RNF216: variants seen among roughly 807,000 people sequenced by gnomAD.
The protein encoded by RNF216 is E3 ubiquitin-protein ligase RNF216.
RNF216 carries 72 observed loss-of-function variants against 110.8 expected under a neutral mutation model. That is an observed-to-expected ratio of 0.65 (90% CI 0.54 to 0.79). The LOEUF is 0.79. Ranked by LOEUF, RNF216 falls within the 30% of genes least tolerant of loss-of-function variation. The probability of loss-of-function intolerance (pLI) is 0.00; values close to 1 mark genes in which losing one functional copy is unlikely to be tolerated. For missense variants in RNF216, 1,342 were observed against 1,141.2 expected, an observed-to-expected ratio of 1.18 and a Z score of -2.54; for synonymous variants, 495 against 407.5, an observed-to-expected ratio of 1.21 and a Z score of -2.59.
intron 13 of RNF216, among the ~76,000 whole-genome samples, chr7:5,672,875 T>C (rs78708455): frequency 0.01 from 1,573 of 152,238 alleles, 29 homozygotes; most frequent in African/African-American, 0.036. Flanking sequence ...ACTCCCAGGA[T>C]AATGCTGAGG....
chr7:5,772,046 C>T (rs1047181144), intron 1 of RNF216, among the ~76,000 whole-genome samples: 1 of 152,098 alleles, frequency 6.6e-6, no homozygotes, highest in African/African-American at 2.4e-5. Flanking sequence ...CCAGCCTGAC[C>T]AACATGGAGA....
At position 5,721,123 on chromosome 7, in the gene RNF216, T is replaced by C. The variant is rs1224601356; in HGVS notation, c.1554A>G (p.Arg518=). Residue 518 remains arginine (R), a synonymous_variant, in exon 9 of 17, where the codon CGA becomes CGG. Transcript: ENST00000389902. ...KRMFFLENKR[R]HCRSYDRRAL... ...CACGTCGGTCATAGGACCTACAATG[T>C]CGTCGCTTATTTTCAAGAAAGAACA... 1 of 1,613,890 alleles carries C rather than the reference T, an allele frequency of 6.2e-7. No homozygotes were observed. Among genetic ancestry groups the C allele is most frequent in the Non-Finnish European group, 8.5e-7 (1 of 1,179,874 alleles).
At chr7:5,636,677 G>A (rs1787415812) in intron 15 of RNF216, among the ~76,000 whole-genome samples, 1 of 152,210 alleles carries the variant, frequency 6.6e-6, no homozygotes, top group Non-Finnish European at 1.5e-5. Flanking sequence ...CAAGGAAACG[G>A]GGCTGATCGC....
intron 13 of RNF216, among the ~76,000 whole-genome samples, chr7:5,699,046 A>C (rs932741575): frequency 6.6e-6 from 1 of 152,112 alleles, no homozygotes; most frequent in African/African-American, 2.4e-5. Flanking sequence ...GTTTTTTTTA[A>C]AACTAACTTT....
chr7:5,629,975 A>G (rs1297984331), intron 15 of RNF216, among the ~76,000 whole-genome samples: 1 of 152,176 alleles, frequency 6.6e-6, no homozygotes, highest in African/African-American at 2.4e-5. Flanking sequence ...CAAGTCCCTC[A>G]GGAAACATTC....
chr7:5,775,086 G>C (rs1796703287), intron 1 of RNF216: 1 of 152,164 alleles, frequency 6.6e-6, no homozygotes, highest in Non-Finnish European at 1.5e-5. Flanking sequence ...GCCTAGCACA[G>C]TTGTTGAACG....
At chr7:5,777,009 A>G (rs1196528894) in intron 1 of RNF216, among the ~76,000 whole-genome samples, 1 of 152,162 alleles carries the variant, frequency 6.6e-6, no homozygotes, top group Non-Finnish European at 1.5e-5. Context: ...AGTGAGCACA[A>G]CAGCTTTCAC....
intron 5 of RNF216, among the ~76,000 whole-genome samples, chr7:5,732,249 G>T (rs1794137738): frequency 1.3e-5 from 2 of 152,178 alleles, no homozygotes; most frequent in Admixed American, 6.5e-5. Context: ...GCTGACCTGA[G>T]AATTAGCCAC....
rs145218883 is a variant in RNF216, at chr7:5,690,016, T to C, written c.2061+21745A>G. ...ATTTGCCGAGTTCACCTGTATTATA[T>C]TTTACTTACATCTTTAAAGGTTTTA... is the stretch of plus-strand genomic sequence containing the variant. On this transcript the variant is annotated intron_variant, in intron 13 of 16. Transcript: ENST00000389902. Among the ~76,000 whole-genome samples the C allele has an allele frequency of 3.7e-3, 568 of 152,024 alleles. 2 individuals carry two copies. Among genetic ancestry groups the C allele is most frequent in the African/African-American group, 0.013 (549 of 41,476 alleles).
chr7:5,780,651 G>C (rs918306846), intron 1 of RNF216, among the ~76,000 whole-genome samples: 1 of 152,052 alleles, frequency 6.6e-6, no homozygotes, highest in African/African-American at 2.4e-5. Flanking sequence ...CTTGCAGTGA[G>C]CCGGGATCGC....
At chr7:5,665,967 G>C (rs375148061) in intron 13 of RNF216, among the ~76,000 whole-genome samples, 18 of 151,942 alleles carry the variant, frequency 1.2e-4, no homozygotes, top group African/African-American at 4.4e-4. Context: ...AGATCGAGAC[G>C]ATCCTGGCTA....
At chr7:5,752,542 G>A (rs756304130) in intron 3 of RNF216, among the ~76,000 whole-genome samples, 2 of 152,180 alleles carry the variant, frequency 1.3e-5, no homozygotes, top group African/African-American at 2.4e-5. Context: ...CTGAAAAAAT[G>A]TGGGATAATA....
intron 1 of RNF216, among the ~76,000 whole-genome samples, chr7:5,763,121 AAAC>A (rs1157773134): frequency 1.3e-5 from 2 of 152,190 alleles, no homozygotes; most frequent in Non-Finnish European, 1.5e-5. Context: ...GGGACAAAAA[AAAC>A]AACAACCCAT....
intron 2 of RNF216, among the ~76,000 whole-genome samples, chr7:5,754,534 T>C (rs1348774770): frequency 1.3e-5 from 2 of 151,934 alleles, no homozygotes; most frequent in Admixed American, 6.6e-5. Context: ...ACACACGCTA[T>C]GGGGGATCAT....
intron 15 of RNF216, among the ~76,000 whole-genome samples, chr7:5,640,151 G>A (rs1415231885): frequency 6.6e-6 from 1 of 151,598 alleles, no homozygotes; most frequent in Non-Finnish European, 1.5e-5. Context: ...GCCCACCTTG[G>A]CCTTCAAAAG....
intron 13 of RNF216, among the ~76,000 whole-genome samples, chr7:5,659,952 AT>A (rs36099512): frequency 0.65 from 86,211 of 132,818 alleles, 27,649 homozygotes; most frequent in East Asian, 0.92. Flanking sequence ...ACATTCATTA[AT>A]TTTTTTTTTT....
Position 5,717,107 on chromosome 7 carries a change from A to G in RNF216, c.1645-341T>C, listed in dbSNP as rs145004124. On this transcript the variant is annotated intron_variant, in intron 9 of 16. Transcript: ENST00000389902. ...GATGGCTCATGCCTGTAATCCCAGC[A>G]CTTTGGAAGGCCGAGGTGGGCAGAT... Among the ~76,000 whole-genome samples the G allele has an allele frequency of 2.6e-5, 4 of 152,340 alleles. No individual in the cohort carries two copies. In the East Asian group the frequency reaches 7.7e-4, roughly 29 times the overall value.
rs1320698960 is a variant in RNF216, at chr7:5,763,973, G to A, written c.-69-2835C>T. Among the ~76,000 whole-genome samples, 7 of 152,074 alleles carry A rather than the reference G, an allele frequency of 4.6e-5. No homozygotes were observed. The East Asian group carries it at 1.2e-3, about 25-fold the overall frequency. On this transcript the variant is annotated intron_variant, in intron 1 of 16. Transcript: ENST00000389902. ...GGAGGCCGAGGCAGGCGGATCACTC[G>A]AGGTCAGGAGTTTGAGACCAGCCTG...
rs899334633 is a variant in RNF216 at position 5,696,566 on chromosome 7, TG to T, written c.2061+15194del. Among the ~76,000 whole-genome samples the T allele has an allele frequency of 5.3e-5, 8 of 152,122 alleles. No individual in the cohort carries two copies. Among genetic ancestry groups the T allele is most frequent in the African/African-American group, 1.7e-4 (7 of 41,414 alleles). ...GCCGGGGCAGCCTCCTAGACACGCG[TG>T]CCCAAGATCGTGTCCTATGGTCTCG... On this transcript the variant is annotated intron_variant, in intron 13 of 16. Transcript: ENST00000389902. This position sits in a 1 kb window ranked among gnomAD's most constrained non-coding sequence, Gnocchi z 5.4.
Sources: gnomAD v4.1 joint callset for allele counts (sites outside exome capture counted in the v4.1 genomes callset) on GRCh38, gnomAD v4.1.1 for gene constraint, Gnocchi (gnomAD v3.1) non-coding constraint, MANE v1.5 for transcripts, NCBI Gene and HGNC (gene_info 2026-07-23, HGNC 2026-07-21) for gene names.